The following HPSE2 variants were observed in gnomAD, a reference collection of about 807,000 sequenced individuals.
The protein encoded by HPSE2 is heparanase 2 (inactive), also known as inactive heparanase-2.
Under a neutral mutation model 60.5 loss-of-function variants are expected in HPSE2, and 38 were observed. The ratio of observed to expected loss-of-function variants is 0.63; its 90% confidence interval spans 0.48 to 0.82. The LOEUF (loss-of-function observed/expected upper bound fraction) is 0.82, where lower values mean the gene tolerates loss of function less well. HPSE2 is among the 40% of genes least tolerant of loss of function. The pLI is 0.00. For missense variants in HPSE2, 713 were observed against 740.4 expected, an observed-to-expected ratio of 0.96 and a Z score of 0.43; for synonymous variants, 295 against 293.2, an observed-to-expected ratio of 1.01 and a Z score of -0.06.
chr10:98,485,082 A>G (rs559549362), intron 10 of HPSE2, among the ~76,000 whole-genome samples: 3 of 152,266 alleles, frequency 2.0e-5, no homozygotes, highest in African/African-American at 7.2e-5. Context: ...GCTAATTAAG[A>G]GTTGAGTGAC....
intron 3 of HPSE2, among the ~76,000 whole-genome samples, chr10:99,029,429 A>T (rs960268408): frequency 2.6e-5 from 4 of 152,186 alleles, no homozygotes; most frequent in African/African-American, 9.6e-5. Flanking sequence ...CACTACCACC[A>T]ATGCGCAGAG....
intron 3 of HPSE2, among the ~76,000 whole-genome samples, chr10:98,851,158 A>G (rs1353617985): frequency 2.0e-5 from 3 of 152,216 alleles, no homozygotes; most frequent in African/African-American, 7.2e-5. Flanking sequence ...AAAAGGAAAA[A>G]GTACCTCAGG....
At chr10:99,036,635 T>C (rs1489846350) in intron 3 of HPSE2, among the ~76,000 whole-genome samples, 1 of 152,144 alleles carries the variant, frequency 6.6e-6, no homozygotes, top group East Asian at 1.9e-4. Flanking sequence ...ATGAAATAAA[T>C]GAAAATCAGC....
rs551103783 is a variant in HPSE2, at chr10:98,989,683, C to T, written c.610+154555G>A. On this transcript the variant is annotated intron_variant, in intron 3 of 11. Transcript: ENST00000370552. ...AGAAAAAAAACTCAAAAAGGCTTGT[C>T]TTTTAATCCAGGATGCTTGGTCTCC... is the stretch of plus-strand genomic sequence containing the variant. 9.9e-5 allele frequency among the ~76,000 whole-genome samples: 15 copies of T among 151,836 alleles called. No individual in the cohort carries two copies. The East Asian group carries it at 2.7e-3, about 27-fold the overall frequency.
intron 3 of HPSE2, among the ~76,000 whole-genome samples, chr10:98,898,574 G>A (rs903803347): frequency 6.6e-6 from 1 of 152,168 alleles, no homozygotes; most frequent in African/African-American, 2.4e-5. Flanking sequence ...CTCAGAGGAA[G>A]GAAGGGATGG....
intron 9 of HPSE2, among the ~76,000 whole-genome samples, chr10:98,598,064 TTC>T (rs1456808341): frequency 6.6e-6 from 1 of 152,136 alleles, no homozygotes; most frequent in Non-Finnish European, 1.5e-5. Flanking sequence ...TCTTTTTTTT[TTC>T]TTTTTTCCAC....
At chr10:99,102,354 C>T (rs1038009159) in intron 3 of HPSE2, among the ~76,000 whole-genome samples, 2 of 152,164 alleles carry the variant, frequency 1.3e-5, no homozygotes, top group Admixed American at 1.3e-4. Context: ...CTATAAACAC[C>T]TCTACGGAAA....
chr10:98,780,172 A>T (rs1173382100), intron 3 of HPSE2, among the ~76,000 whole-genome samples: 1 of 152,160 alleles, frequency 6.6e-6, no homozygotes, highest in Non-Finnish European at 1.5e-5. Context: ...AAGTGCTCAG[A>T]AAGCAGGTGA....
At chr10:98,687,915 A>T (rs1947959373) in intron 6 of HPSE2, among the ~76,000 whole-genome samples, 1 of 152,160 alleles carries the variant, frequency 6.6e-6, no homozygotes, top group East Asian at 1.9e-4. Context: ...TTGCCTTTTA[A>T]TTACACTGTT....
intron 3 of HPSE2, among the ~76,000 whole-genome samples, chr10:98,801,578 A>G (rs902149417): frequency 6.6e-6 from 1 of 152,190 alleles, no homozygotes; most frequent in Non-Finnish European, 1.5e-5. Flanking sequence ...AAAAGAAATC[A>G]AACAAGTAAT....
At chr10:99,188,725 G>A (rs2133854386) in intron 2 of HPSE2, among the ~76,000 whole-genome samples, 2 of 152,274 alleles carry the variant, frequency 1.3e-5, no homozygotes, top group Admixed American at 1.3e-4. Flanking sequence ...TTGGAAGGCA[G>A]GATAAATGTG....
At position 98,589,955 on chromosome 10, in the gene HPSE2, A is replaced by G. The variant is rs112050821; in HGVS notation, c.1320+24949T>C. ...GCAGCTGTGATTCAACTATCCAGAT[A>G]TTCGCAATTTTCCCTACCTTATCTC... On this transcript the variant is annotated intron_variant, in intron 9 of 11. Coordinates refer to ENST00000370552, the MANE Select transcript of HPSE2 (RefSeq NM_021828.5). Among the ~76,000 whole-genome samples the G allele has an allele frequency of 4.2e-3, 647 of 152,328 alleles. 3 individuals carry two copies. Among genetic ancestry groups the G allele is most frequent in the African/African-American group, 0.015 (624 of 41,574 alleles).
chr10:99,112,996 A>T (rs1422048761), intron 3 of HPSE2, among the ~76,000 whole-genome samples: 1 of 152,154 alleles, frequency 6.6e-6, no homozygotes, highest in Non-Finnish European at 1.5e-5. Context: ...TAGTTCTGAC[A>T]ACCATGAAAC....
At chr10:98,995,122 C>T (rs1956614915) in intron 3 of HPSE2, among the ~76,000 whole-genome samples, 4 of 152,186 alleles carry the variant, frequency 2.6e-5, no homozygotes, top group Admixed American at 2.0e-4. Flanking sequence ...GCTTCTGGTG[C>T]TTCCCATCTC....
At chr10:98,638,342 G>A (rs1352471270) in intron 7 of HPSE2, among the ~76,000 whole-genome samples, 1 of 150,976 alleles carries the variant, frequency 6.6e-6, no homozygotes, top group Non-Finnish European at 1.5e-5. Flanking sequence ...CTACTCGGGA[G>A]GCTGCGGCAG....
intron 3 of HPSE2, among the ~76,000 whole-genome samples, chr10:98,812,495 C>T (rs1589867377): frequency 6.6e-6 from 1 of 152,230 alleles, no homozygotes; most frequent in East Asian, 1.9e-4. Flanking sequence ...ATGAACCATA[C>T]TTGAGGAATA....
rs558942588 is a variant in HPSE2, at chr10:98,630,347, G to A, written c.1099-9639C>T. On this transcript the variant is annotated intron_variant, in intron 7 of 11. Transcript: ENST00000370552. The stretch of plus-strand genomic sequence containing the variant: ...CCAGTAGCTGGGACTACAGGCGCCC[G>A]CCACCACGCCCAACTAATTTTTTGT... Among the ~76,000 whole-genome samples, 8 of 152,032 alleles carry A rather than the reference G, an allele frequency of 5.3e-5. No homozygotes were observed. In the South Asian group the frequency reaches 1.2e-3, roughly 24 times the overall value.
At chr10:99,196,365 A>G (rs1177534972) in intron 2 of HPSE2, among the ~76,000 whole-genome samples, 1 of 152,168 alleles carries the variant, frequency 6.6e-6, no homozygotes, top group Non-Finnish European at 1.5e-5. Context: ...CCTGGATCAC[A>G]TCAAGTTAAA....
intron 2 of HPSE2, among the ~76,000 whole-genome samples, chr10:99,223,758 C>T (rs967759049): frequency 2.0e-5 from 3 of 152,050 alleles, no homozygotes; most frequent in African/African-American, 7.2e-5. Flanking sequence ...TTGCTTAAGT[C>T]AGTCTGGGTA....
Sources: allele counts gnomAD v4.1 joint callset (sites outside exome capture counted in the v4.1 genomes callset), GRCh38; gene constraint gnomAD v4.1.1; transcripts MANE v1.5; gene names NCBI Gene and HGNC (gene_info 2026-07-23, HGNC 2026-07-21).